CDCA7: variants seen among roughly 807,000 people sequenced by gnomAD.
CDCA7 encodes the protein cell division cycle associated 7.
In CDCA7, 28 loss-of-function variants were observed where a neutral mutation model predicts 54.0. That is an observed-to-expected ratio of 0.52 (90% CI 0.38 to 0.71). The LOEUF (loss-of-function observed/expected upper bound fraction) is 0.71, where lower values mean the gene tolerates loss of function less well. Among genes scored for constraint, CDCA7 ranks in the 30% least tolerant of loss-of-function variants. CDCA7 has a pLI of 0.00. For missense variants in CDCA7, 484 were observed against 586.0 expected, an observed-to-expected ratio of 0.83 and a Z score of 1.80; for synonymous variants, 180 against 208.2, an observed-to-expected ratio of 0.86 and a Z score of 1.16.
At chr2:173,357,118 C>T (rs1686521538) in intron 1 of CDCA7, among the ~76,000 whole-genome samples, 2 of 152,124 alleles carry the variant, frequency 1.3e-5, no homozygotes, top group Admixed American at 1.3e-4. Context: ...TTCCATGGCC[C>T]CATTTAAGGA....
chr2:173,367,090 A>G, intron 8 of CDCA7, 60 bp from the exon 9 acceptor site: 2 of 1,529,340 alleles, frequency 1.3e-6, no homozygotes, highest in South Asian at 1.3e-5. Flanking sequence ...TGTAATGTAG[A>G]TAAGTTGGTG....
chr2:173,366,900 G>T lies in CDCA7; in HGVS notation c.1186-250G>T, dbSNP rs1436373471. 6.6e-6 allele frequency among the ~76,000 whole-genome samples: 1 copy of T among 152,172 alleles called. No homozygotes were observed. Among genetic ancestry groups the T allele is most frequent in the Non-Finnish European group, 1.5e-5 (1 of 68,034 alleles). ...AATTCAGAGGGATGGTGCTGCATAG[G>T]CATGAGCCGCTTCTACGATACTCGG... On this transcript the variant is annotated intron_variant, in intron 8 of 9. Transcript: ENST00000306721. The surrounding 1 kb of genome is among the most constrained non-coding windows in gnomAD (Gnocchi z 4.5).
Position 173,363,242 on chromosome 2 carries a change from G to T in CDCA7, c.401G>T (p.Arg134Leu), listed in dbSNP as rs775744518. The change falls in exon 4 of 10, where the codon CGG (arginine) becomes CTG (leucine). Residue 134 changes from arginine (R) to leucine (L), a missense_variant. Arg to Leu is a moderately radical substitution (Grantham distance 102). Around this residue, in one of 3 missense-constraint regions of CDCA7, gnomAD observed 398 missense variants for 447.4 expected, o/e 0.89. Coordinates refer to ENST00000306721, the MANE Select transcript of CDCA7 (RefSeq NM_031942.5). ...TGTGATTAGAGGCTGCAGTCAGTTC[G>T]GGAAGGCTGTAGGACCCGCAGCCAG... Reference protein sequence around the residue: ...IQDGMRLQSVREGCRTRSQCR... With the variant: ...IQDGMRLQSVLEGCRTRSQCR... 1.1e-5 allele frequency: 18 copies of T among 1,613,976 alleles called. No individual in the cohort carries two copies. Among genetic ancestry groups the T allele is most frequent in the Non-Finnish European group, 1.4e-5 (16 of 1,180,022 alleles).
intron 3 of CDCA7, among the ~76,000 whole-genome samples, chr2:173,362,578 CTTT>C (rs11437572): frequency 7.0e-6 from 1 of 143,048 alleles, no homozygotes; most frequent in Non-Finnish European, 1.5e-5. Context: ...ATTTTTTTCC[CTTT>C]TTTTTTTTTT....
Position 173,366,483 on chromosome 2 carries a change from CTG to C in CDCA7, c.1185+54_1185+55del, listed in dbSNP as rs775834708. 29 of 1,601,518 alleles carry C rather than the reference CTG, an allele frequency of 1.8e-5. No individual in the cohort carries two copies. Among genetic ancestry groups the C allele is most frequent in the Non-Finnish European group, 2.0e-5 (23 of 1,172,164 alleles). On this transcript the variant is annotated intron_variant, in intron 8 of 9. Coordinates refer to ENST00000306721, the MANE Select transcript of CDCA7 (RefSeq NM_031942.5). This position sits in a 1 kb window ranked among gnomAD's most constrained non-coding sequence, Gnocchi z 4.5. ...TGTGGGCTTGAAGGTCAGCCACAAA[CTG>C]TGATGAGGCCAGAAAAAGGCATTGG... is the stretch of plus-strand genomic sequence containing the variant.
chr2:173,361,214 G>A (rs997527606), intron 3 of CDCA7, among the ~76,000 whole-genome samples: 1 of 152,094 alleles, frequency 6.6e-6, no homozygotes, highest in African/African-American at 2.4e-5. Flanking sequence ...TGGGTTGTTT[G>A]CACTTTTTTG....
intron 3 of CDCA7, among the ~76,000 whole-genome samples, chr2:173,360,345 T>C (rs1686596250): frequency 6.6e-6 from 1 of 152,248 alleles, no homozygotes; most frequent in South Asian, 2.1e-4. Flanking sequence ...TTCTGGGCAG[T>C]GTTTCAGTTC....
At position 173,358,834 on chromosome 2, in the gene CDCA7, C is replaced by G; in HGVS notation, c.144C>G (p.Asn48Lys). Residue 48 changes from asparagine (N) to lysine (K), a missense_variant, in exon 2 of 10, where the codon AAC becomes AAG. Physicochemically the swap from Asn to Lys is moderately conservative, Grantham distance 94. Around this residue, in one of 3 missense-constraint regions of CDCA7, gnomAD observed 398 missense variants for 447.4 expected, o/e 0.89. Coordinates refer to ENST00000306721, the MANE Select transcript of CDCA7 (RefSeq NM_031942.5). ...GCTTTGCTTCTGATAATTTTGCAAACACGGTAAGTGCTGCCTGAGAATAAA... is the reference window on the plus strand; with the variant it reads ...GCTTTGCTTCTGATAATTTTGCAAAGACGGTAAGTGCTGCCTGAGAATAAA... ...CDSFASDNFA[N>K]TKPKFRSDIS... The G allele has an allele frequency of 6.2e-7, 1 of 1,612,972 alleles. No individual in the cohort carries two copies. The highest frequency in any genetic ancestry group is 8.5e-7 in the Non-Finnish European group (1 of 1,179,352).
chr2:173,363,257 C>T lies in CDCA7; in HGVS notation c.416C>T (p.Thr139Ile). The T allele has an allele frequency of 1.2e-6, 2 of 1,614,146 alleles. No homozygotes were observed. Among genetic ancestry groups the T allele is most frequent in the Non-Finnish European group, 1.7e-6 (2 of 1,180,032 alleles). ...RLQSVREGCRTRSQCRHSGPL... is the reference protein window; with the variant it reads ...RLQSVREGCRIRSQCRHSGPL... ...CAGTCAGTTCGGGAAGGCTGTAGGA[C>T]CCGCAGCCAGTGCAGGCACTCTGGA... The change falls in exon 4 of 10, where the codon ACC (threonine) becomes ATC (isoleucine). Residue 139 changes from threonine (T) to isoleucine (I), a missense_variant. Physicochemically the swap from Thr to Ile is moderately conservative, Grantham distance 89. Around this residue, in one of 3 missense-constraint regions of CDCA7, gnomAD observed 398 missense variants for 447.4 expected, o/e 0.89. Transcript: ENST00000306721.
At chr2:173,362,568 AT>A (rs1236737737) in intron 3 of CDCA7, among the ~76,000 whole-genome samples, 1 of 117,484 alleles carries the variant, frequency 8.5e-6, no homozygotes, top group Non-Finnish European at 1.7e-5. Context: ...AGGGGAACAC[AT>A]TTTTTTCCCT....
Position 173,363,444 on chromosome 2 carries a change from A to T in CDCA7, c.603A>T (p.Ile201=). Residue 201 remains isoleucine (I), a synonymous_variant, in exon 4 of 10, where the codon ATA becomes ATT. Transcript: ENST00000306721. The stretch of plus-strand genomic sequence containing the variant: ...TTTTGGAGAAAAGGGCTTTAAATAT[A>T]AAGCAAAACAAAGCAATGGTAGGTA... The part of the protein sequence containing the change: ...MNFLEKRALN[I]KQNKAMLAKL... 1 of 1,613,770 alleles carries T rather than the reference A, an allele frequency of 6.2e-7. No individual in the cohort carries two copies. Among genetic ancestry groups the T allele is most frequent in the Non-Finnish European group, 8.5e-7 (1 of 1,179,622 alleles).
rs144903663 is a variant in CDCA7, at chr2:173,359,917, C to T, written c.384+426C>T. On this transcript the variant is annotated intron_variant, in intron 3 of 9. Coordinates refer to ENST00000306721, the MANE Select transcript of CDCA7 (RefSeq NM_031942.5). ...CATCTTGAAAACCTGTGATAACTTA[C>T]GTGCAGGAGCTCCATTGCAGATAAT... 1.8e-3 allele frequency among the ~76,000 whole-genome samples: 271 copies of T among 152,316 alleles called. 1 individual carries two copies. In the South Asian group the frequency reaches 0.019, roughly 10 times the overall value.
At chr2:173,355,642 T>A (rs1686485197) in intron 1 of CDCA7, among the ~76,000 whole-genome samples, 1 of 151,850 alleles carries the variant, frequency 6.6e-6, no homozygotes, top group Non-Finnish European at 1.5e-5. Context: ...ATTTGCTCGT[T>A]TCCTACTTCC....
At chr2:173,367,019 C>T (rs1395923601) in intron 8 of CDCA7, 131 bp from the exon 9 acceptor site, 36 of 1,268,992 alleles carry the variant, frequency 2.8e-5, no homozygotes, top group South Asian at 1.6e-4. Flanking sequence ...CATTAGGAAA[C>T]ATTAGGCATG....
intron 3 of CDCA7, among the ~76,000 whole-genome samples, chr2:173,361,640 C>T (rs962310029): frequency 4.0e-5 from 6 of 151,684 alleles, no homozygotes; most frequent in African/African-American, 7.3e-5. Flanking sequence ...TTAGTAGAGA[C>T]GGGGTTTTGC....
At chr2:173,356,770 G>C (rs1247819999) in intron 1 of CDCA7, among the ~76,000 whole-genome samples, 1 of 152,170 alleles carries the variant, frequency 6.6e-6, no homozygotes, top group South Asian at 2.1e-4. Flanking sequence ...TTCCCAAAGC[G>C]CTGAGATTAC....
intron 3 of CDCA7, among the ~76,000 whole-genome samples, chr2:173,360,681 T>A (rs1170644677): frequency 6.6e-6 from 1 of 152,126 alleles, no homozygotes; most frequent in Non-Finnish European, 1.5e-5. Flanking sequence ...CTCACTTTGT[T>A]GCTCAGGCTG....
At chr2:173,365,026 T>C (rs953939520) in intron 6 of CDCA7, 37 bp downstream of exon 6, 15 of 1,525,462 alleles carry the variant, frequency 9.8e-6, no homozygotes, top group Admixed American at 2.3e-5. Context: ...CTTCTGATTC[T>C]CATCTTCGGT....
Position 173,367,147 on chromosome 2 carries a change from C to T in CDCA7, c.1186-3C>T. On this transcript the variant is annotated splice_polypyrimidine_tract_variant and splice_region_variant and intron_variant, in intron 8 of 9. Coordinates refer to ENST00000306721, the MANE Select transcript of CDCA7 (RefSeq NM_031942.5). ...ATTGTGCCGTTTGACAATCCTCCTTCAGAACTGGCATTGCCCGCCTTGTCG... is the reference window on the plus strand; with the variant it reads ...ATTGTGCCGTTTGACAATCCTCCTTTAGAACTGGCATTGCCCGCCTTGTCG... The T allele has an allele frequency of 6.3e-7, 1 of 1,577,500 alleles. No homozygotes were observed. Among genetic ancestry groups the T allele is most frequent in the South Asian group, 1.2e-5 (1 of 84,038 alleles).
Sources: gnomAD v4.1 joint callset for allele counts (sites outside exome capture counted in the v4.1 genomes callset) on GRCh38, gnomAD v4.1.1 for gene constraint, gnomAD v4.1.1 regional missense constraint, Gnocchi (gnomAD v3.1) non-coding constraint, MANE v1.5 for transcripts, NCBI Gene and HGNC (gene_info 2026-07-23, HGNC 2026-07-21) for gene names.